The following SVEP1 variants were observed in gnomAD, a reference collection of about 807,000 sequenced individuals.
SVEP1 encodes sushi, von Willebrand factor type A, EGF and pentraxin domain-containing protein 1.
SVEP1 carries 164 observed loss-of-function variants against 367.3 expected under a neutral mutation model. That is an observed-to-expected ratio of 0.45 (90% CI 0.39 to 0.51). The LOEUF (loss-of-function observed/expected upper bound fraction) is 0.51, where lower values mean the gene tolerates loss of function less well. Ranked by LOEUF, SVEP1 falls within the 20% of genes least tolerant of loss-of-function variation. The probability of loss-of-function intolerance (pLI) is 0.00; values close to 1 mark genes in which losing one functional copy is unlikely to be tolerated. For synonymous variants in SVEP1, 1,666 were observed against 1,611.6 expected (o/e 1.03, Z -0.81); for missense variants, 4,117 against 4,425.3 (o/e 0.93, Z 1.98).
intron 8 of SVEP1, among the ~76,000 whole-genome samples, chr9:110,491,010 GTTT>G (rs892443803): frequency 6.6e-6 from 1 of 151,526 alleles, no homozygotes; most frequent in Non-Finnish European, 1.5e-5. Flanking sequence ...TTTGATGGTA[GTTT>G]TTTTTATGAT....
At chr9:110,389,765 A>G (rs1827598074) in intron 40 of SVEP1, among the ~76,000 whole-genome samples, 178 bp from the exon 41 acceptor site, 1 of 152,102 alleles carries the variant, frequency 6.6e-6, no homozygotes, top group Admixed American at 6.6e-5. Context: ...TTATTTATCA[A>G]ATTGCTTCAA....
At chr9:110,387,793 C>A (rs1424091662) in intron 41 of SVEP1, among the ~76,000 whole-genome samples, 3 of 152,108 alleles carry the variant, frequency 2.0e-5, no homozygotes, top group Non-Finnish European at 4.4e-5. Flanking sequence ...ACTTTTCAAA[C>A]AATACTAAAT....
chr9:110,482,674 T>C (rs1467817534), intron 10 of SVEP1, among the ~76,000 whole-genome samples, 182 bp from the exon 11 acceptor site: 1 of 151,988 alleles, frequency 6.6e-6, no homozygotes, highest in Admixed American at 6.6e-5. Flanking sequence ...TTACAGGCAT[T>C]TGCCACCACG....
At chr9:110,405,048 C>T (rs1180706681) in intron 38 of SVEP1, among the ~76,000 whole-genome samples, 11 of 151,992 alleles carry the variant, frequency 7.2e-5, no homozygotes, top group Non-Finnish European at 4.4e-5. Context: ...AACAAAAAAC[C>T]GGTAATAACC....
At position 110,572,820 on chromosome 9, in the gene SVEP1, GTAC is replaced by G. The variant is rs199594402; in HGVS notation, c.531+6190_531+6192del. On this transcript the variant is annotated intron_variant, in intron 1 of 47. Transcript: ENST00000374469. ...AAAAAAAAAAAAAAAAAAAAAATGA[GTAC>G]TACTTTTTTGCCTGGGAAATATATG... is the stretch of plus-strand genomic sequence containing the variant. 2.1e-3 allele frequency among the ~76,000 whole-genome samples: 245 copies of G among 118,402 alleles called. 5 individuals are homozygous for G. The East Asian group carries it at 0.073, about 35-fold the overall frequency. 77.7% of individuals were successfully genotyped at this position (118,402 alleles called of 152,430 possible).
chr9:110,542,085 C>T (rs1830157848), intron 3 of SVEP1, among the ~76,000 whole-genome samples: 1 of 151,886 alleles, frequency 6.6e-6, no homozygotes, highest in Admixed American at 6.6e-5. Context: ...TTGGCAGAGG[C>T]TGAATTTAAG....
chr9:110,449,066 T>A (rs767548868), intron 24 of SVEP1, among the ~76,000 whole-genome samples: 16 of 152,228 alleles, frequency 1.1e-4, no homozygotes, highest in Non-Finnish European at 1.6e-4. Context: ...TTTTCTAAAA[T>A]TTTGCAAGCA....
intron 3 of SVEP1, among the ~76,000 whole-genome samples, chr9:110,528,156 G>GTGTGTGTGTGTATA: frequency 3.5e-4 from 12 of 33,948 alleles, no homozygotes; most frequent in African/African-American, 5.3e-4. Flanking sequence ...GTGTGTGTGT[G>GTGTGTGTGTGTATA]TATATATATA....
At chr9:110,427,867 C>T in intron 35 of SVEP1, 109 bp from the exon 36 acceptor site, 3 of 1,293,578 alleles carry the variant, frequency 2.3e-6, no homozygotes, top group Admixed American at 2.7e-5. Flanking sequence ...AATTTGAGTA[C>T]ACAAAAATAG....
At position 110,387,359 on chromosome 9, in the gene SVEP1, T is replaced by C; in HGVS notation, c.9986A>G (p.Tyr3329Cys). 1 of 1,613,782 alleles carries C rather than the reference T, an allele frequency of 6.2e-7. No individual in the cohort carries two copies. The highest frequency in any genetic ancestry group is 8.5e-7 in the Non-Finnish European group (1 of 1,179,836). ...PNVVYSCNRGYSLEGPSEAHC... is the reference protein window; with the variant it reads ...PNVVYSCNRGCSLEGPSEAHC... ...TGCCTCAGATGGCCCTTCAAGACTG[T>C]AGCCTCTGTTGCAGGAATATACCAC... The change falls in exon 42 of 48, where the codon TAC becomes TGC. Residue 3329 changes from tyrosine to cysteine, a missense_variant. Physicochemically the swap from Tyr to Cys is radical, Grantham distance 194. Coordinates refer to ENST00000374469, the MANE Select transcript of SVEP1 (RefSeq NM_153366.4).
chr9:110,439,696 G>A (rs187131074), intron 27 of SVEP1, among the ~76,000 whole-genome samples: 18 of 152,110 alleles, frequency 1.2e-4, no homozygotes, highest in Admixed American at 1.3e-4. Context: ...CACTGCGCCC[G>A]GCCAATGTTG....
At chr9:110,516,226 A>G (rs1829802399) in intron 3 of SVEP1, among the ~76,000 whole-genome samples, 1 of 150,486 alleles carries the variant, frequency 6.6e-6, no homozygotes, top group South Asian at 2.1e-4. Flanking sequence ...CTAAAACATT[A>G]TAATAAACTA....
At chr9:110,473,578 A>T (rs73655355) in intron 14 of SVEP1, among the ~76,000 whole-genome samples, 491 of 152,336 alleles carry the variant, frequency 3.2e-3, no homozygotes, top group African/African-American at 0.011. Context: ...AAATGGCCAC[A>T]TAATACTCTC....
intron 14 of SVEP1, 44 bp downstream of exon 14, chr9:110,476,160 G>T (rs376252277): frequency 1.7e-6 from 2 of 1,181,946 alleles, no homozygotes; most frequent in East Asian, 2.3e-5. Flanking sequence ...TTCTTATTTT[G>T]CAGATTAGTC....
At chr9:110,434,683 A>AAAAAAAAAAAAAAAAAAC (rs1828406499) in intron 29 of SVEP1, among the ~76,000 whole-genome samples, 177 bp from the exon 30 acceptor site, 1 of 150,586 alleles carries the variant, frequency 6.6e-6, no homozygotes, top group Admixed American at 6.6e-5. Context: ...AAAAAAAAAA[A>AAAAAAAAAAAAAAAAAAC]AAAGCATTTA....
intron 40 of SVEP1, among the ~76,000 whole-genome samples, chr9:110,391,392 C>A (rs538625709): frequency 1.7e-3 from 263 of 151,594 alleles, no homozygotes; most frequent in African/African-American, 6.0e-3. Context: ...TGCCTCAGCT[C>A]CCCAAGTAGC....
At chr9:110,413,234 C>T (rs1456736177) in intron 36 of SVEP1, among the ~76,000 whole-genome samples, 1 of 145,068 alleles carries the variant, frequency 6.9e-6, no homozygotes, top group Non-Finnish European at 1.5e-5. Context: ...AGTTCATGTC[C>T]TTTGTAGGGA....
intron 37 of SVEP1, among the ~76,000 whole-genome samples, chr9:110,409,955 C>T (rs1224206462): frequency 6.6e-6 from 1 of 152,090 alleles, no homozygotes; most frequent in Non-Finnish European, 1.5e-5. Context: ...AATGCTAGGT[C>T]GCTGATTCTC....
At chr9:110,450,325 G>A (rs1828673186) in intron 23 of SVEP1, 65 bp from the exon 24 acceptor site, 36 of 1,526,932 alleles carry the variant, frequency 2.4e-5, no homozygotes, top group Non-Finnish European at 3.2e-5. Context: ...TGTAACTAAA[G>A]TGTTGACTCC....
Sources: gnomAD v4.1 joint callset for allele counts (sites outside exome capture counted in the v4.1 genomes callset) on GRCh38, gnomAD v4.1.1 for gene constraint, MANE v1.5 for transcripts, NCBI Gene and HGNC (gene_info 2026-07-23, HGNC 2026-07-21) for gene names.